The following PRR16 variants were observed in gnomAD, a reference collection of about 807,000 sequenced individuals.
PRR16 encodes proline rich 16.
A neutral mutation model predicts 18.2 loss-of-function variants in PRR16; 6 were observed. The observed-to-expected ratio is 0.33, with a 90% CI of 0.18 to 0.65. PRR16 has a LOEUF of 0.65. PRR16 is among the 30% of genes least tolerant of loss of function. PRR16 has a pLI of 0.74. For synonymous variants in PRR16, 151 were observed against 147.8 expected (o/e 1.02, Z -0.16); for missense variants, 412 against 376.6 (o/e 1.09, Z -0.78).
At chr5:120,687,529 C>G (rs528224827), downstream of PRR16, among the ~76,000 whole-genome samples, 62 of 152,302 alleles carry the variant, frequency 4.1e-4, no homozygotes, top group African/African-American at 1.4e-3. Flanking sequence ...GTTGAACTCT[C>G]CCTATGTTGC....
At chr5:120,531,908 T>G (rs543755545) in intron 1 of PRR16, among the ~76,000 whole-genome samples, 1 of 152,306 alleles carries the variant, frequency 6.6e-6, no homozygotes, top group South Asian at 2.1e-4. Context: ...ATACAAGTGT[T>G]GTTAATTAGC....
At chr5:120,776,169 ACT>A in the PRR16 span, among the ~76,000 whole-genome samples, 4 of 151,818 alleles carry the variant, frequency 2.6e-5, no homozygotes, top group African/African-American at 7.3e-5. Flanking sequence ...TGTATGTTTT[ACT>A]CTGTTCCTAC....
At chr5:120,707,851 G>C in the PRR16 span, among the ~76,000 whole-genome samples, 12 of 152,142 alleles carry the variant, frequency 7.9e-5, no homozygotes, top group African/African-American at 2.9e-4. Flanking sequence ...CTCTTAAGGG[G>C]CAATTCTCTT....
At chr5:120,673,210 T>C (rs1756675190) in intron 1 of PRR16, among the ~76,000 whole-genome samples, 1 of 152,278 alleles carries the variant, frequency 6.6e-6, no homozygotes, top group South Asian at 2.1e-4. Context: ...TGGAACTATG[T>C]GATGCTTTAG....
At chr5:120,687,634 C>T (rs1757161723), downstream of PRR16, among the ~76,000 whole-genome samples, 1 of 152,158 alleles carries the variant, frequency 6.6e-6, no homozygotes, top group African/African-American at 2.4e-5. Context: ...AGCAAGCTCT[C>T]TGCCTCCCCA....
chr5:120,565,956 C>G (rs1752723045), intron 1 of PRR16, among the ~76,000 whole-genome samples: 1 of 152,200 alleles, frequency 6.6e-6, no homozygotes. Flanking sequence ...ACACAGATCA[C>G]AACATATTCT....
chr5:120,704,406 G>T, the PRR16 span, among the ~76,000 whole-genome samples: 8 of 152,068 alleles, frequency 5.3e-5, no homozygotes, highest in Non-Finnish European at 1.2e-4. Context: ...AGAATGCAGG[G>T]TTTCTATATA....
At chr5:120,792,288 G>C in the PRR16 span, among the ~76,000 whole-genome samples, 2 of 152,178 alleles carry the variant, frequency 1.3e-5, no homozygotes, top group African/African-American at 2.4e-5. Context: ...TCCAGTAGTA[G>C]TTTATAAAGT....
chr5:120,771,600 A>G, the PRR16 span, among the ~76,000 whole-genome samples: 2 of 152,050 alleles, frequency 1.3e-5, no homozygotes, highest in East Asian at 1.9e-4. Context: ...AGTCATTTTT[A>G]TTATTCATAA....
intron 1 of PRR16, among the ~76,000 whole-genome samples, chr5:120,654,479 T>G (rs1561596597): frequency 6.9e-6 from 1 of 145,852 alleles, no homozygotes; most frequent in Non-Finnish European, 1.5e-5. Context: ...AAAAGTGTCT[T>G]TTTTTTTTAA....
At chr5:120,653,797 A>G (rs1755873394) in intron 1 of PRR16, among the ~76,000 whole-genome samples, 1 of 152,024 alleles carries the variant, frequency 6.6e-6, no homozygotes, top group Non-Finnish European at 1.5e-5. Flanking sequence ...CCTCATGTTT[A>G]TGTGCCTCTC....
rs1452843870 is a variant in PRR16, at chr5:120,538,574, G to A, written c.159+73929G>A. Among the ~76,000 whole-genome samples, 3 of 152,152 alleles carry A rather than the reference G, an allele frequency of 2.0e-5. 1 individual carries two copies. Among genetic ancestry groups the A allele is most frequent in the Non-Finnish European group, 4.4e-5 (3 of 68,032 alleles). ...TGGCGATATAGGGGACCAAATAAAG[G>A]TTTCTGCTGTTAAAACATTTTGATA... On this transcript the variant is annotated intron_variant, in intron 1 of 1. Coordinates refer to ENST00000407149, the MANE Select transcript of PRR16 (RefSeq NM_001300783.2).
intron 1 of PRR16, among the ~76,000 whole-genome samples, chr5:120,682,820 C>A (rs956193848): frequency 1.1e-4 from 16 of 152,170 alleles, no homozygotes; most frequent in African/African-American, 3.9e-4. Flanking sequence ...ACAACCACTT[C>A]CAAGAATCAA....
At chr5:120,643,826 G>GA (rs1755503031) in intron 1 of PRR16, among the ~76,000 whole-genome samples, 1 of 152,056 alleles carries the variant, frequency 6.6e-6, no homozygotes, top group South Asian at 2.1e-4. Flanking sequence ...CCAACATGGT[G>GA]AAACCCTGTC....
At chr5:120,506,847 T>A (rs961725745) in intron 1 of PRR16, among the ~76,000 whole-genome samples, 9 of 152,084 alleles carry the variant, frequency 5.9e-5, no homozygotes, top group African/African-American at 2.2e-4. Flanking sequence ...GCTTGCCAAC[T>A]GAGCCTATAC....
chr5:120,720,470 G>C, the PRR16 span, among the ~76,000 whole-genome samples: 1 of 151,906 alleles, frequency 6.6e-6, no homozygotes. Flanking sequence ...TGAAATGTCA[G>C]AGAATATTAG....
At chr5:120,477,337 C>CT (rs1749475604) in intron 1 of PRR16, among the ~76,000 whole-genome samples, 1 of 152,050 alleles carries the variant, frequency 6.6e-6, no homozygotes, top group Non-Finnish European at 1.5e-5. Flanking sequence ...CCACAAAAAC[C>CT]TAATCCCATG....
At chr5:120,593,040 T>C (rs1447436013) in intron 1 of PRR16, among the ~76,000 whole-genome samples, 1 of 152,036 alleles carries the variant, frequency 6.6e-6, no homozygotes, top group Non-Finnish European at 1.5e-5. Context: ...TTTATAGTCC[T>C]AAATGCCCAC....
intron 1 of PRR16, among the ~76,000 whole-genome samples, chr5:120,616,171 A>G (rs1001347790): frequency 2.0e-5 from 3 of 152,284 alleles, no homozygotes; most frequent in Admixed American, 1.3e-4. Flanking sequence ...ATGAGTCAGT[A>G]ATTGAGCAAG....
Sources: gnomAD v4.1 joint callset for allele counts (sites outside exome capture counted in the v4.1 genomes callset) on GRCh38, gnomAD v4.1.1 for gene constraint, MANE v1.5 for transcripts, NCBI Gene and HGNC (gene_info 2026-07-23, HGNC 2026-07-21) for gene names.